The following SMO variants were observed in gnomAD, a reference collection of about 807,000 sequenced individuals.
SMO encodes the protein smoothened, frizzled class receptor.
SMO carries 40 observed loss-of-function variants against 81.6 expected under a neutral mutation model. The ratio of observed to expected loss-of-function variants is 0.49; its 90% confidence interval spans 0.38 to 0.64. The LOEUF is 0.64. SMO is among the 30% of genes least tolerant of loss of function. The pLI, the probability that SMO is intolerant of heterozygous loss-of-function variation, is 0.00. For synonymous variants in SMO, 434 were observed against 432.1 expected, an observed-to-expected ratio of 1.00 and a Z score of -0.05; for missense variants, 916 against 1,061.1, an observed-to-expected ratio of 0.86 and a Z score of 1.90.
chr7:129,202,812 T>C (rs1472590827), intron 1 of SMO, among the ~76,000 whole-genome samples: 1 of 151,970 alleles, frequency 6.6e-6, no homozygotes, highest in Admixed American at 6.6e-5. Flanking sequence ...CCCGTGAGAG[T>C]TGGGTGCACC....
chr7:129,211,230 G>T lies in SMO; in HGVS notation c.1801+117G>T. The T allele has an allele frequency of 8.8e-7, 1 of 1,133,766 alleles. No individual in the cohort carries two copies. The highest frequency in any genetic ancestry group is 1.5e-5 in the African/African-American group (1 of 65,596). The allele number at this position is 1,133,766 out of a possible 1,614,324, so 70.2% of individuals were successfully genotyped here. On this transcript the variant is annotated intron_variant, in intron 10 of 11. Coordinates refer to ENST00000249373, the MANE Select transcript of SMO (RefSeq NM_005631.5). This position sits in a 1 kb window ranked among gnomAD's most constrained non-coding sequence, Gnocchi z 4.6. ...TGGAAGACCGACTGTGAGGAGCAAG[G>T]CGCTCCCTCCATCGCTCACACACCC...
intron 3 of SMO, 23 bp downstream of exon 3, chr7:129,205,435 C>G: frequency 6.3e-7 from 1 of 1,599,050 alleles, no homozygotes; most frequent in South Asian, 1.1e-5. Flanking sequence ...AGGGCAGGCC[C>G]GGGGGGCCCT....
chr7:129,189,215 C>T lies in SMO; in HGVS notation c.64C>T (p.Leu22=), dbSNP rs1254310202. The T allele has an allele frequency of 8.6e-7, 1 of 1,167,856 alleles. No individual in the cohort carries two copies. Among genetic ancestry groups the T allele is most frequent in the Non-Finnish European group, 1.1e-6 (1 of 932,016 alleles). 72.3% of individuals were successfully genotyped at this position (1,167,856 alleles called of 1,614,324 possible). Residue 22 remains leucine (L), a synonymous_variant, in exon 1 of 12, where the codon CTG becomes TTG. Transcript: ENST00000249373. This position sits in a 1 kb window ranked among gnomAD's most constrained non-coding sequence, Gnocchi z 4.7. ...GCTCCTGGGGCTGCTGCTGCTGCTG[C>T]TGCTGGGGGACCCGGGCCGGGGGGC... The part of the protein sequence containing the change: ...LPLLGLLLLL[L]LGDPGRGAAS...
chr7:129,210,666 G>T lies in SMO; in HGVS notation c.1652+118G>T. ...CAGCCTTGGTCAGTGGTTCACCGCT[G>T]CCCCCTGGTGGCACCTTCTGTCCTT... On this transcript the variant is annotated intron_variant, in intron 9 of 11. Coordinates refer to ENST00000249373, the MANE Select transcript of SMO (RefSeq NM_005631.5). The surrounding 1 kb of genome is among the most constrained non-coding windows in gnomAD (Gnocchi z 4.7). 1 of 866,854 alleles carries T rather than the reference G, an allele frequency of 1.2e-6. No homozygotes were observed. The allele number at this position is 866,854 out of a possible 1,614,324, so 53.7% of individuals were successfully genotyped here. A position where few individuals can be genotyped will look rare whatever the true frequency, so the allele number is the denominator to read the frequency against.
In SMO at chr7:129,211,943, C is replaced by T. The variant is rs1351731787; in HGVS notation, c.1937-81C>T. 3 of 1,446,578 alleles carry T rather than the reference C, an allele frequency of 2.1e-6. No individual in the cohort carries two copies. Among genetic ancestry groups the T allele is most frequent in the Non-Finnish European group, 2.8e-6 (3 of 1,078,124 alleles). The allele number at this position is 1,446,578 out of a possible 1,614,324, so 89.6% of individuals were successfully genotyped here. A position where few individuals can be genotyped will look rare whatever the true frequency, so the allele number is the denominator to read the frequency against. On this transcript the variant is annotated intron_variant, in intron 11 of 11. Transcript: ENST00000249373. This position sits in a 1 kb window ranked among gnomAD's most constrained non-coding sequence, Gnocchi z 4.6. ...CTAGAGACCTGGGCCCCAGAACTAA[C>T]AGGTTAAGTGCTCCCAGGGGAGCGG... is the stretch of plus-strand genomic sequence containing the variant.
In SMO at chr7:129,206,232, C is replaced by T. The variant is rs2150650020; in HGVS notation, c.1003C>T (p.Leu335Phe). The T allele has an allele frequency of 1.2e-6, 2 of 1,614,126 alleles. No homozygotes were observed. The highest frequency in any genetic ancestry group is 1.7e-6 in the Non-Finnish European group (2 of 1,179,984). ...GGCTGGTGTGGTTTGGTTTGTGGTC[C>T]TCACCTATGCCTGGCACACTTCCTT... ...LMAGVVWFVVLTYAWHTSFKA... is the reference protein window; with the variant it reads ...LMAGVVWFVVFTYAWHTSFKA... Residue 335 changes from leucine to phenylalanine, a missense_variant, in exon 5 of 12, where the codon CTC (leucine) becomes TTC (phenylalanine). Coordinates refer to ENST00000249373, the MANE Select transcript of SMO (RefSeq NM_005631.5). This position sits in a 1 kb window ranked among gnomAD's most constrained non-coding sequence, Gnocchi z 4.4.
intron 1 of SMO, among the ~76,000 whole-genome samples, chr7:129,191,826 C>G (rs1043363766): frequency 6.6e-6 from 1 of 152,132 alleles, no homozygotes; most frequent in Admixed American, 6.5e-5. Context: ...ACTGAGTACA[C>G]AGCCATGCTT....
At chr7:129,190,821 A>G (rs989832272) in intron 1 of SMO, among the ~76,000 whole-genome samples, 9 of 152,224 alleles carry the variant, frequency 5.9e-5, no homozygotes, top group African/African-American at 1.2e-4. Context: ...GCAGATTACC[A>G]TAGTGTAAGG....
intron 2 of SMO, among the ~76,000 whole-genome samples, chr7:129,203,813 T>C (rs1198808271): frequency 6.6e-6 from 1 of 152,060 alleles, no homozygotes; most frequent in Non-Finnish European, 1.5e-5. Flanking sequence ...TTCAGCAAAA[T>C]GTTTTGAGCA....
chr7:129,193,783 AAAATATATAT>A (rs1793518438), intron 1 of SMO, among the ~76,000 whole-genome samples: 1 of 54,282 alleles, frequency 1.8e-5, no homozygotes, highest in Non-Finnish European at 3.7e-5. Context: ...AAAAAAAAAA[AAAATATATAT>A]ATATATATAT....
chr7:129,189,723 G>A lies in SMO; in HGVS notation c.331+241G>A, dbSNP rs1488609217. Among the ~76,000 whole-genome samples, 1 of 152,176 alleles carries A rather than the reference G, an allele frequency of 6.6e-6. No individual in the cohort carries two copies. Among genetic ancestry groups the A allele is most frequent in the East Asian group, 1.9e-4 (1 of 5,188 alleles). On this transcript the variant is annotated intron_variant, in intron 1 of 11. Transcript: ENST00000249373. This position sits in a 1 kb window ranked among gnomAD's most constrained non-coding sequence, Gnocchi z 4.7. ...TCACAAAGGGCCTGAGCTGGTGGGT[G>A]AGCAAAGGATGGCGGGGATGAGGGG...
At position 129,205,676 on chromosome 7, in the gene SMO, G is replaced by A. The variant is rs2150649145; in HGVS notation, c.814G>A (p.Ala272Thr). ...YPAVILFYVNACFFVGSIGWL... is the reference protein window; with the variant it reads ...YPAVILFYVNTCFFVGSIGWL... ...TGCTGTTATTCTCTTCTACGTCAATGCGTGCTTCTTTGTGGGCAGCATTGG... is the reference window on the plus strand; with the variant it reads ...TGCTGTTATTCTCTTCTACGTCAATACGTGCTTCTTTGTGGGCAGCATTGG... The change falls in exon 4 of 12, where the codon GCG (alanine) becomes ACG (threonine). Residue 272 changes from alanine to threonine, a missense_variant. Around this residue, in one of 4 missense-constraint regions of SMO, gnomAD observed 436 missense variants for 570.9 expected, o/e 0.76. Coordinates refer to ENST00000249373, the MANE Select transcript of SMO (RefSeq NM_005631.5). The A allele has an allele frequency of 6.2e-7, 1 of 1,613,986 alleles. No individual in the cohort carries two copies. Among genetic ancestry groups the A allele is most frequent in the Non-Finnish European group, 8.5e-7 (1 of 1,180,022 alleles).
Position 129,206,054 on chromosome 7 carries a change from G to T in SMO, c.921-96G>T. ...AAGCCCTGACTTCTGGGAACCTCCA[G>T]ACCTCAGCAGCTGAGGGTCTGGGCA... On this transcript the variant is annotated intron_variant, in intron 4 of 11. Coordinates refer to ENST00000249373, the MANE Select transcript of SMO (RefSeq NM_005631.5). This position sits in a 1 kb window ranked among gnomAD's most constrained non-coding sequence, Gnocchi z 4.4. The T allele has an allele frequency of 9.2e-7, 1 of 1,088,374 alleles. No homozygotes were observed. The highest frequency in any genetic ancestry group is 1.3e-6 in the Non-Finnish European group (1 of 741,648). The allele number at this position is 1,088,374 out of a possible 1,614,324, so 67.4% of individuals were successfully genotyped here.
At position 129,208,305 on chromosome 7, in the gene SMO, A is replaced by C. The variant is rs1413571250; in HGVS notation, c.1265-454A>C. ...CCATCTTTACAAAAATACAAAAATT[A>C]GCCGGCGTGATGGTAGGTGCCTGTG... On this transcript the variant is annotated intron_variant, in intron 6 of 11. Transcript: ENST00000249373. The surrounding 1 kb of genome is among the most constrained non-coding windows in gnomAD (Gnocchi z 5.2). Among the ~76,000 whole-genome samples the C allele has an allele frequency of 6.6e-6, 1 of 151,984 alleles. No homozygotes were observed.
At position 129,210,410 on chromosome 7, in the gene SMO, C is replaced by T. The variant is rs1435873545; in HGVS notation, c.1514C>T (p.Pro505Leu). The change falls in exon 9 of 12, where the codon CCT becomes CTT. Residue 505 changes from proline (P) to leucine (L), a missense_variant. Transcript: ENST00000249373. The surrounding 1 kb of genome is among the most constrained non-coding windows in gnomAD (Gnocchi z 4.7). ...TIGLPTKQPI[P>L]DCEIKNRPSL... ...GGGCTGCCCACCAAGCAGCCCATCC[C>T]TGACTGTGAGATCAAGAATCGCCCG... The T allele has an allele frequency of 6.2e-7, 1 of 1,614,242 alleles. No individual in the cohort carries two copies. Among genetic ancestry groups the T allele is most frequent in the Admixed American group, 1.7e-5 (1 of 60,036 alleles).
intron 2 of SMO, 49 bp from the exon 3 acceptor site, chr7:129,205,154 C>CTCG (rs1203097331): frequency 6.5e-7 from 1 of 1,532,592 alleles, no homozygotes; most frequent in Non-Finnish European, 9.0e-7. Flanking sequence ...AAACAAGAGG[C>CTCG]TCGTCCCTGA....
At chr7:129,198,955 G>C (rs148933166) in intron 1 of SMO, among the ~76,000 whole-genome samples, 4 of 152,284 alleles carry the variant, frequency 2.6e-5, no homozygotes, top group African/African-American at 9.6e-5. Context: ...GTCTCCTATT[G>C]ATGGATATGG....
rs374034910 is a variant in SMO, at chr7:129,205,409, C to T, written c.744C>T (p.Thr248=). The T allele has an allele frequency of 2.2e-5, 36 of 1,607,848 alleles. No individual in the cohort carries two copies. Among genetic ancestry groups the T allele is most frequent in the Non-Finnish European group, 2.9e-5 (34 of 1,176,954 alleles). Residue 248 remains threonine, a synonymous_variant, in exon 3 of 12, where the codon ACC becomes ACT. Coordinates refer to ENST00000249373, the MANE Select transcript of SMO (RefSeq NM_005631.5). ...TCACGGGCCTCTGCACGCTCTTCAC[C>T]CTGGTCAGCCGCGGGAGGGCAGGCC... is the stretch of plus-strand genomic sequence containing the variant. ...GAVTGLCTLF[T]LATFVADWRN...
chr7:129,206,175 A>ATCATCT lies in SMO; in HGVS notation c.948_953dup (p.Ile317_Phe318dup). 1 of 1,611,228 alleles carries ATCATCT rather than the reference A, an allele frequency of 6.2e-7. No homozygotes were observed. The highest frequency in any genetic ancestry group is 8.5e-7 in the Non-Finnish European group (1 of 1,178,406). ...CTCCAATGAGACTCTGTCCTGCGTC[A>ATCATCT]TCATCTTTGTCATCGTGTACTACGC... is the stretch of plus-strand genomic sequence containing the variant. On this transcript the variant is annotated inframe_insertion, in exon 5 of 12. Coordinates refer to ENST00000249373, the MANE Select transcript of SMO (RefSeq NM_005631.5). The surrounding 1 kb of genome is among the most constrained non-coding windows in gnomAD (Gnocchi z 4.4).
Sources: allele counts gnomAD v4.1 joint callset (sites outside exome capture counted in the v4.1 genomes callset), GRCh38; gene constraint gnomAD v4.1.1; regional missense constraint gnomAD v4.1.1; non-coding constraint Gnocchi (gnomAD v3.1); transcripts MANE v1.5; gene names NCBI Gene and HGNC (gene_info 2026-07-23, HGNC 2026-07-21).